PCDHGB2: variants seen among roughly 807,000 people sequenced by gnomAD.
The protein encoded by PCDHGB2 is protocadherin gamma subfamily B, 2.
PCDHGB2 carries 55 observed loss-of-function variants against 59.3 expected under a neutral mutation model. The ratio of observed to expected loss-of-function variants is 0.93; its 90% CI spans 0.75 to 1.16. The LOEUF is 1.16. Among genes scored for constraint, PCDHGB2 ranks in the 50% most tolerant of loss-of-function variants. The pLI, the probability that PCDHGB2 is intolerant of heterozygous loss-of-function variation, is 0.00. For missense variants in PCDHGB2, 1,228 were observed against 1,198.5 expected, an observed-to-expected ratio of 1.02 and a Z score of -0.36; for synonymous variants, 516 against 512.0, an observed-to-expected ratio of 1.01 and a Z score of -0.11.
chr5:141,361,682 C>T lies in PCDHGB2; in HGVS notation c.1547C>T (p.Ala516Val). The change falls in exon 1 of 4, where the codon GCG becomes GTG. Residue 516 changes from alanine (A) to valine (V), a missense_variant. Physicochemically the swap from Ala to Val is moderately conservative, Grantham distance 64 (BLOSUM62 0). Coordinates refer to ENST00000522605, the MANE Select transcript of PCDHGB2 (RefSeq NM_018923.3). ...AGCGCGCAGAGCGGGGTGGTGTTCG[C>T]GCAGCGCGCCTTCGATCATGAGCAG... Reference protein sequence around the residue: ...SVSAQSGVVFAQRAFDHEQLR... With the variant: ...SVSAQSGVVFVQRAFDHEQLR... 1 of 1,613,584 alleles carries T rather than the reference C, an allele frequency of 6.2e-7. No homozygotes were observed.
rs186593502 is a variant in PCDHGB2 at position 141,429,415 on chromosome 5, A to G, written c.2422-65392A>G. Among the ~76,000 whole-genome samples, 582 of 151,976 alleles carry G rather than the reference A, an allele frequency of 3.8e-3. 6 individuals carry two copies. The highest frequency in any genetic ancestry group is 0.011 in the Admixed American group (171 of 15,260). ...AAAAAATTGAGATTAAGGTCTCATT[A>G]TGTTGCCCAGGCTGGACTCAAACTC... is the stretch of plus-strand genomic sequence containing the variant. On this transcript the variant is annotated intron_variant, in intron 1 of 3. Transcript: ENST00000522605.
At chr5:141,392,242 G>T (rs1294476832) in intron 1 of PCDHGB2, 1 of 152,134 alleles carries the variant, frequency 6.6e-6, no homozygotes, top group Non-Finnish European at 1.5e-5. Context: ...TTAGTTATTT[G>T]TTAGTATATA....
chr5:141,502,516 A>G (rs947349505), intron 2 of PCDHGB2, among the ~76,000 whole-genome samples: 1 of 152,146 alleles, frequency 6.6e-6, no homozygotes, highest in African/African-American at 2.4e-5. Flanking sequence ...TCCCACTATC[A>G]GTGATGCCGA....
At chr5:141,423,342 C>A in intron 1 of PCDHGB2, 1 of 1,613,824 alleles carries the variant, frequency 6.2e-7, no homozygotes, top group South Asian at 1.1e-5. Flanking sequence ...CCTGCATCTT[C>A]CTGGTCTTTG....
At chr5:141,362,741 T>C in intron 1 of PCDHGB2, 185 bp downstream of exon 1, 1 of 734,108 alleles carries the variant, frequency 1.4e-6, no homozygotes, top group Non-Finnish European at 2.2e-6. Flanking sequence ...TATTTACCCA[T>C]GATTGCAAAC....
At chr5:141,390,318 C>T in intron 1 of PCDHGB2, 1 of 1,609,020 alleles carries the variant, frequency 6.2e-7, no homozygotes, top group Non-Finnish European at 8.5e-7. Context: ...TGCTCATTGC[C>T]TACCCATTTC....
chr5:141,400,147 C>T lies in PCDHGB2; in HGVS notation c.2421+37591C>T, dbSNP rs751998425. ...GGAGGTGCTGCCGGATATCACTGAC[C>T]GCCCTGTACCCTCTGACCCCCAGGC... On this transcript the variant is annotated intron_variant, in intron 1 of 3. Coordinates refer to ENST00000522605, the MANE Select transcript of PCDHGB2 (RefSeq NM_018923.3). 3.7e-6 allele frequency: 6 copies of T among 1,614,074 alleles called. No homozygotes were observed. In the East Asian group the frequency reaches 1.1e-4, roughly 30 times the overall value.
chr5:141,482,099 A>AG (rs1423781570), intron 1 of PCDHGB2, among the ~76,000 whole-genome samples: 1 of 151,852 alleles, frequency 6.6e-6, no homozygotes, highest in African/African-American at 2.4e-5. Flanking sequence ...CAAAAAAAAA[A>AG]AAAAAATATC....
chr5:141,383,157 T>A, intron 1 of PCDHGB2: 1 of 1,614,076 alleles, frequency 6.2e-7, no homozygotes, highest in Non-Finnish European at 8.5e-7. Context: ...GCTTGGTCAC[T>A]GCGGGCAGGA....
At chr5:141,478,519 G>A in intron 1 of PCDHGB2, 2 of 1,610,728 alleles carry the variant, frequency 1.2e-6, no homozygotes, top group Non-Finnish European at 1.7e-6. Context: ...GGCAGGTGTT[G>A]GGTGCAGAGA....
At chr5:141,448,802 A>G (rs897172074) in intron 1 of PCDHGB2, among the ~76,000 whole-genome samples, 14 of 152,044 alleles carry the variant, frequency 9.2e-5, no homozygotes, top group Non-Finnish European at 1.8e-4. Flanking sequence ...AAAATTAGCC[A>G]GGCGTGATGG....
intron 1 of PCDHGB2, chr5:141,385,038 G>T (rs377185831): frequency 1.2e-6 from 2 of 1,614,020 alleles, no homozygotes; most frequent in Admixed American, 1.7e-5. Context: ...TACTGCTGGC[G>T]CTCAGGCTGC....
intron 1 of PCDHGB2, among the ~76,000 whole-genome samples, chr5:141,460,914 A>G (rs62379191): frequency 4.9e-5 from 6 of 122,236 alleles, no homozygotes; most frequent in Non-Finnish European, 5.2e-5. Context: ...TCCATGGTGT[A>G]TATATATATA....
intron 1 of PCDHGB2, chr5:141,409,740 T>C: frequency 6.2e-7 from 1 of 1,612,820 alleles, no homozygotes; most frequent in Non-Finnish European, 8.5e-7. Context: ...CAGAGCGGGG[T>C]GGTGTTCGCG....
intron 1 of PCDHGB2, chr5:141,376,535 G>A (rs1194313716): frequency 6.2e-7 from 1 of 1,613,586 alleles, no homozygotes; most frequent in South Asian, 1.1e-5. Context: ...TAAGCGGGAA[G>A]AGTAATCTGA....
chr5:141,406,528 TGAC>T (rs1369720853), intron 1 of PCDHGB2, among the ~76,000 whole-genome samples: 4 of 152,246 alleles, frequency 2.6e-5, no homozygotes, highest in Non-Finnish European at 5.9e-5. Context: ...AGATATTTTC[TGAC>T]GAAGATTCAA....
chr5:141,395,525 G>A, intron 1 of PCDHGB2: 2 of 384,022 alleles, frequency 5.2e-6, no homozygotes, highest in Non-Finnish European at 9.3e-6. Flanking sequence ...CGTCCATACT[G>A]GTAATTTTGC....
intron 1 of PCDHGB2, among the ~76,000 whole-genome samples, chr5:141,467,372 T>C (rs1006663543): frequency 2.0e-5 from 3 of 152,072 alleles, no homozygotes; most frequent in African/African-American, 7.2e-5. Flanking sequence ...TTTTCTTATA[T>C]TGCATTTAGG....
Position 141,511,231 on chromosome 5 carries a change from C to T in PCDHGB2, c.*58C>T. On this transcript the variant is annotated 3_prime_UTR_variant, in exon 4 of 4. Coordinates refer to ENST00000522605, the MANE Select transcript of PCDHGB2 (RefSeq NM_018923.3). ...CTCTCCCCAACCAGCCCAGCTTCTC[C>T]TTACCTGCACCCAGGCCTCAGAGTT... 2 of 1,595,900 alleles carry T rather than the reference C, an allele frequency of 1.3e-6. No individual in the cohort carries two copies. The highest frequency in any genetic ancestry group is 2.2e-5 in the South Asian group (2 of 88,992).
Sources: gnomAD v4.1 joint callset for allele counts (sites outside exome capture counted in the v4.1 genomes callset) on GRCh38, gnomAD v4.1.1 for gene constraint, MANE v1.5 for transcripts, NCBI Gene and HGNC (gene_info 2026-07-23, HGNC 2026-07-21) for gene names.